Variants in RASGEF1C observed in about 807,000 individuals in gnomAD.
RASGEF1C encodes the protein ras-GEF domain-containing family member 1C.
RASGEF1C carries 27 observed loss-of-function variants against 58.1 expected under a neutral mutation model. The ratio of observed to expected loss-of-function variants is 0.46; its 90% CI spans 0.34 to 0.64. The LOEUF (loss-of-function observed/expected upper bound fraction) is 0.64. RASGEF1C is among the 30% of genes least tolerant of loss of function. The pLI is 0.01. For synonymous variants in RASGEF1C, 243 were observed against 246.3 expected (o/e 0.99, Z 0.13); for missense variants, 502 against 605.1 (o/e 0.83, Z 1.79).
chr5:180,171,824 A>G (rs1309031247), intron 1 of RASGEF1C, among the ~76,000 whole-genome samples: 1 of 152,184 alleles, frequency 6.6e-6, no homozygotes, highest in African/African-American at 2.4e-5. Flanking sequence ...CTTGGGAGGT[A>G]AGGCTGTGAG....
At chr5:180,191,871 C>A (rs1756168845) in intron 1 of RASGEF1C, among the ~76,000 whole-genome samples, 4 of 152,202 alleles carry the variant, frequency 2.6e-5, no homozygotes. Context: ...AGGCTGAGAT[C>A]ACGGTGTTGG....
intron 12 of RASGEF1C, among the ~76,000 whole-genome samples, chr5:180,104,582 AACTG>A: frequency 6.6e-6 from 1 of 152,316 alleles, no homozygotes; most frequent in South Asian, 2.1e-4. Context: ...CGGCAGCTCA[AACTG>A]ACTAAGACAA....
intron 1 of RASGEF1C, among the ~76,000 whole-genome samples, chr5:180,154,736 A>G (rs1766824968): frequency 6.6e-6 from 1 of 151,816 alleles, no homozygotes; most frequent in Non-Finnish European, 1.5e-5. Context: ...ACCCACCATC[A>G]CGCCTGCCCA....
Position 180,188,533 on chromosome 5 carries a change from T to C in RASGEF1C, c.-7+20495A>G, listed in dbSNP as rs934196993. On this transcript the variant is annotated intron_variant, in intron 1 of 13. Coordinates refer to ENST00000361132, the MANE Select transcript of RASGEF1C (RefSeq NM_175062.4). ...TTCCCAATAAAAACTCTCAGCCAAC[T>C]AATAATAGAAGAGAAGTTCCCCAAC... 3.3e-5 allele frequency among the ~76,000 whole-genome samples: 5 copies of C among 152,152 alleles called. No homozygotes were observed. In the East Asian group the frequency reaches 9.6e-4, roughly 29 times the overall value.
rs998730939 is a variant in RASGEF1C, at chr5:180,181,767, A to G, written c.-7+27261T>C. Among the ~76,000 whole-genome samples, 3 of 152,242 alleles carry G rather than the reference A, an allele frequency of 2.0e-5. No individual in the cohort carries two copies. In the East Asian group the frequency reaches 5.8e-4, roughly 29 times the overall value. On this transcript the variant is annotated intron_variant, in intron 1 of 13. Coordinates refer to ENST00000361132, the MANE Select transcript of RASGEF1C (RefSeq NM_175062.4). ...CATCCCAGTCTGTGACACTTTGTTA[A>G]GGCAGCCCTAGGAAAGTGATACAAA...
chr5:180,128,025 T>C (rs1210139325), intron 5 of RASGEF1C, among the ~76,000 whole-genome samples: 1 of 152,164 alleles, frequency 6.6e-6, no homozygotes, highest in Non-Finnish European at 1.5e-5. Context: ...TGGGTCAGAA[T>C]CAAACCCTGG....
chr5:180,200,406 TTC>T (rs1480527455), intron 1 of RASGEF1C, among the ~76,000 whole-genome samples: 1 of 134,386 alleles, frequency 7.4e-6, no homozygotes, highest in Non-Finnish European at 1.6e-5. Context: ...GCCTCCCGGG[TTC>T]ACGCCATTCT....
intron 1 of RASGEF1C, among the ~76,000 whole-genome samples, chr5:180,152,650 A>T (rs954455383): frequency 2.6e-5 from 4 of 151,516 alleles, no homozygotes; most frequent in African/African-American, 9.7e-5. Flanking sequence ...CCAACATGGC[A>T]CATGTATACA....
intron 1 of RASGEF1C, among the ~76,000 whole-genome samples, chr5:180,164,677 T>C (rs1429757579): frequency 6.6e-6 from 1 of 152,244 alleles, no homozygotes; most frequent in African/African-American, 2.4e-5. Flanking sequence ...GAATTCAATC[T>C]TTCATAGTTG....
intron 1 of RASGEF1C, among the ~76,000 whole-genome samples, chr5:180,140,857 G>A (rs1204662613): frequency 6.6e-6 from 1 of 152,202 alleles, no homozygotes; most frequent in Non-Finnish European, 1.5e-5. Context: ...AGGCTCGGCG[G>A]AGCGGGGGGC....
chr5:180,167,535 G>A (rs2113306728), intron 1 of RASGEF1C, among the ~76,000 whole-genome samples: 1 of 152,012 alleles, frequency 6.6e-6, no homozygotes, highest in South Asian at 2.1e-4. Context: ...ATAAAATTTT[G>A]GTTATTGTAT....
intron 1 of RASGEF1C, among the ~76,000 whole-genome samples, chr5:180,149,813 G>C (rs1457932786): frequency 6.6e-6 from 1 of 152,162 alleles, no homozygotes; most frequent in South Asian, 2.1e-4. Context: ...TTCTCTATTT[G>C]TTGTTGTATT....
Position 180,155,424 on chromosome 5 carries a change from C to A in RASGEF1C, c.-6-17366G>T, listed in dbSNP as rs1209568291. On this transcript the variant is annotated intron_variant, in intron 1 of 13. Transcript: ENST00000361132. The surrounding 1 kb of genome is among the most constrained non-coding windows in gnomAD (Gnocchi z 5.2). Reference sequence around the variant, plus strand: ...CCGAGCCCAGATCTGCTTGCGGAGGCTGAGAATGCACCTGGCCTTGCCTTC... The same window carrying A: ...CCGAGCCCAGATCTGCTTGCGGAGGATGAGAATGCACCTGGCCTTGCCTTC... Among the ~76,000 whole-genome samples, 1 of 152,170 alleles carries A rather than the reference C, an allele frequency of 6.6e-6. No homozygotes were observed. The highest frequency in any genetic ancestry group is 1.5e-5 in the Non-Finnish European group (1 of 68,036).
At position 180,198,739 on chromosome 5, in the gene RASGEF1C, G is replaced by T. The variant is rs1351111296; in HGVS notation, c.-7+10289C>A. On this transcript the variant is annotated intron_variant, in intron 1 of 13. Transcript: ENST00000361132. The surrounding 1 kb of genome is among the most constrained non-coding windows in gnomAD (Gnocchi z 4.5). ...ATTATGTTTCAACATATAAATTTGT[G>T]GGGGGACATGCTCAGACCATAGCAG... Among the ~76,000 whole-genome samples the T allele has an allele frequency of 3.3e-5, 5 of 152,174 alleles. No homozygotes were observed. The highest frequency in any genetic ancestry group is 3.9e-4 in the East Asian group (2 of 5,194).
intron 1 of RASGEF1C, among the ~76,000 whole-genome samples, chr5:180,188,163 T>TA (rs1328680126): frequency 2.0e-5 from 3 of 152,154 alleles, no homozygotes; most frequent in Admixed American, 6.6e-5. Context: ...AGGAATCAAG[T>TA]ACAGATACAT....
rs1185312951 is a variant in RASGEF1C at position 180,137,018 on chromosome 5, A to G, written c.301-503T>C. On this transcript the variant is annotated intron_variant, in intron 3 of 13. Transcript: ENST00000361132. The surrounding 1 kb of genome is among the most constrained non-coding windows in gnomAD (Gnocchi z 4.1). ...TGCGGTGGAGGCGGCCAAGCGCCAC[A>G]CCAGCCAGCCCGAGGGAGGCCAGCC... 1.3e-5 allele frequency among the ~76,000 whole-genome samples: 2 copies of G among 152,152 alleles called. No individual in the cohort carries two copies. The highest frequency in any genetic ancestry group is 2.9e-5 in the Non-Finnish European group (2 of 68,018).
At chr5:180,175,227 G>GC (rs151315935) in intron 1 of RASGEF1C, among the ~76,000 whole-genome samples, 2,302 of 152,256 alleles carry the variant, frequency 0.015, 57 homozygotes, top group African/African-American at 0.053. Flanking sequence ...TGGGGTTGGA[G>GC]CCCCCCCAGC....
At chr5:180,114,670 G>A (rs1766034349) in intron 10 of RASGEF1C, 129 bp from the exon 11 acceptor site, 3 of 767,556 alleles carry the variant, frequency 3.9e-6, no homozygotes, top group Non-Finnish European at 6.2e-6. Flanking sequence ...GCAGAGGGCA[G>A]GGGAGACTTC....
chr5:180,134,389 C>G (rs1332052532), intron 4 of RASGEF1C, among the ~76,000 whole-genome samples: 5 of 151,976 alleles, frequency 3.3e-5, no homozygotes, highest in Non-Finnish European at 5.9e-5. Context: ...CCAGGGCTTA[C>G]CCCAGCCCCA....
Sources: allele counts gnomAD v4.1 joint callset (sites outside exome capture counted in the v4.1 genomes callset), GRCh38; gene constraint gnomAD v4.1.1; non-coding constraint Gnocchi (gnomAD v3.1); transcripts MANE v1.5; gene names NCBI Gene and HGNC (gene_info 2026-07-23, HGNC 2026-07-21).